Variants in USP44 observed in about 807,000 individuals in gnomAD.
USP44 encodes ubiquitin carboxyl-terminal hydrolase 44.
In USP44, 61 loss-of-function variants were observed where a neutral mutation model predicts 69.0. The ratio of observed to expected loss-of-function variants is 0.88; its 90% CI spans 0.72 to 1.09. The LOEUF (loss-of-function observed/expected upper bound fraction) is 1.09, where lower values mean the gene tolerates loss of function less well. Ranked by LOEUF, USP44 falls within the 50% of genes least tolerant of loss-of-function variation. USP44 has a pLI of 0.00. For missense variants in USP44, 753 were observed against 849.9 expected, an observed-to-expected ratio of 0.89 and a Z score of 1.42; for synonymous variants, 297 against 295.4, an observed-to-expected ratio of 1.01 and a Z score of -0.06.
chr12:95,550,010 C>T (rs368952096), intron 1 of USP44, among the ~76,000 whole-genome samples: 4 of 152,152 alleles, frequency 2.6e-5, no homozygotes, highest in African/African-American at 7.2e-5. Context: ...GAAACCCTGT[C>T]TCTACTAAAA....
Position 95,548,913 on chromosome 12 carries a change from C to T in USP44, c.-71+2359G>A, listed in dbSNP as rs1232957383. ...CCCTCCCACAGCCCCACCCCTGCGC[C>T]GGCTCTTCGCGGGCACCGAGAACCT... On this transcript the variant is annotated intron_variant, in intron 1 of 5. Transcript: ENST00000258499. The surrounding 1 kb of genome is among the most constrained non-coding windows in gnomAD (Gnocchi z 4.1). The T allele has an allele frequency of 1.3e-5, 2 of 152,088 alleles. No homozygotes were observed. The highest frequency in any genetic ancestry group is 2.9e-5 in the Non-Finnish European group (2 of 67,988). The allele number at this position is 152,088 out of a possible 1,614,324, so 9.4% of individuals were successfully genotyped here. A position where few individuals can be genotyped will look rare whatever the true frequency, so the allele number is the denominator to read the frequency against.
chr12:95,526,020 G>C (rs566829812), intron 3 of USP44, among the ~76,000 whole-genome samples: 1 of 152,160 alleles, frequency 6.6e-6, no homozygotes, highest in African/African-American at 2.4e-5. Context: ...CTAGCACATC[G>C]GTCCAAGGGT....
intron 3 of USP44, 37 bp downstream of exon 3, chr12:95,528,770 C>G (rs1232001522): frequency 6.3e-7 from 1 of 1,574,944 alleles, no homozygotes; most frequent in East Asian, 2.3e-5. Flanking sequence ...CTTTATCATT[C>G]CTAGGAAAGC....
At chr12:95,539,896 A>G (rs896805042) in intron 1 of USP44, among the ~76,000 whole-genome samples, 1 of 152,210 alleles carries the variant, frequency 6.6e-6, no homozygotes, top group Non-Finnish European at 1.5e-5. Flanking sequence ...CCAAAATCAA[A>G]TATCACAGGT....
At position 95,533,311 on chromosome 12, in the gene USP44, C is replaced by T. The variant is rs7305024; in HGVS notation, c.946G>A (p.Glu316Lys). Residue 316 changes from glutamate to lysine, a missense_variant, in exon 2 of 6, where the codon GAG becomes AAG. Glu to Lys is a moderately conservative substitution (Grantham distance 56). Transcript: ENST00000258499. ...GGATGCTTACAAGATCTTGTCTTCT[C>T]GCTAGCAGTCATAGCCAGCCATTGG... Reference protein sequence around the residue: ...LNQWLAMTASEKTRSCKHPPV... With the variant: ...LNQWLAMTASKKTRSCKHPPV... The T allele has an allele frequency of 2.3e-5, 37 of 1,613,844 alleles. No homozygotes were observed. The highest frequency in any genetic ancestry group is 8.9e-5 in the East Asian group (4 of 44,896).
At chr12:95,528,722 C>T in intron 3 of USP44, 85 bp downstream of exon 3, 1 of 1,394,696 alleles carries the variant, frequency 7.2e-7, no homozygotes, top group Non-Finnish European at 9.6e-7. Context: ...TTCATAACTG[C>T]TAAAGATTTC....
intron 1 of USP44, among the ~76,000 whole-genome samples, chr12:95,543,043 G>A (rs1263841536): frequency 1.3e-5 from 2 of 149,336 alleles, no homozygotes; most frequent in Admixed American, 6.7e-5. Context: ...AGCCTAGATC[G>A]CACCACTGCA....
chr12:95,518,465 T>C, intron 5 of USP44, 112 bp from the exon 6 acceptor site: 1 of 1,079,958 alleles, frequency 9.3e-7, no homozygotes, highest in South Asian at 1.6e-5. Context: ...AGCCAATTCA[T>C]TTTTCTTTAA....
chr12:95,517,802 T>A lies in USP44; in HGVS notation c.*352A>T, dbSNP rs1199133858. 7 of 177,148 alleles carry A rather than the reference T, an allele frequency of 4.0e-5. No individual in the cohort carries two copies. In the East Asian group the frequency reaches 1.1e-3, roughly 27 times the overall value. 11.0% of individuals were successfully genotyped at this position (177,148 alleles called of 1,614,324 possible). A position where few individuals can be genotyped will look rare whatever the true frequency, so the allele number is the denominator to read the frequency against. ...GTCTAATTTTCCATCTATTAAGAAT[T>A]TGTATAGAAAATACCTGAAAAAGAT... On this transcript the variant is annotated 3_prime_UTR_variant, in exon 6 of 6. Coordinates refer to ENST00000258499, the MANE Select transcript of USP44 (RefSeq NM_032147.5).
intron 1 of USP44, among the ~76,000 whole-genome samples, chr12:95,541,448 G>C (rs768856589): frequency 1.3e-5 from 2 of 151,962 alleles, no homozygotes; most frequent in Non-Finnish European, 2.9e-5. Context: ...GCACAGTTGC[G>C]TGTGCCTATA....
rs575405405 is a variant in USP44 at position 95,538,366 on chromosome 12, A to G, written c.-70-4040T>C. Among the ~76,000 whole-genome samples, 4 of 152,266 alleles carry G rather than the reference A, an allele frequency of 2.6e-5. 1 individual carries two copies. In the South Asian group the frequency reaches 8.3e-4, roughly 32 times the overall value. On this transcript the variant is annotated intron_variant, in intron 1 of 5. Coordinates refer to ENST00000258499, the MANE Select transcript of USP44 (RefSeq NM_032147.5). ...GTACATCTTAGCTGCCAATAGTAAT[A>G]AAATAATAATAAATTATTATTATAA...
intron 5 of USP44, among the ~76,000 whole-genome samples, chr12:95,520,634 G>A (rs1469445144): frequency 6.6e-6 from 1 of 152,166 alleles, no homozygotes; most frequent in Non-Finnish European, 1.5e-5. Context: ...AAATATCTAT[G>A]ATCCCCCAGT....
chr12:95,533,116 G>A lies in USP44; in HGVS notation c.1141C>T (p.Leu381Phe), dbSNP rs200225031. 4.3e-6 allele frequency: 7 copies of A among 1,614,208 alleles called. No individual in the cohort carries two copies. The Admixed American group carries it at 6.7e-5, about 15-fold the overall frequency. The change falls in exon 2 of 6, where the codon CTT becomes TTT. Residue 381 changes from leucine to phenylalanine, a missense_variant. Coordinates refer to ENST00000258499, the MANE Select transcript of USP44 (RefSeq NM_032147.5). The part of the protein sequence containing the change: ...PKEPTSQYIS[L>F]CHELHTLFQV... ...AACAAAGTATGCAATTCATGACAAA[G>A]AGAAATGTACTGTGAAGTTGGCTCC...
At chr12:95,521,792 G>A (rs301005) in intron 4 of USP44, among the ~76,000 whole-genome samples, 13,383 of 152,084 alleles carry the variant, frequency 0.088, 724 homozygotes, top group Non-Finnish European at 0.12. Flanking sequence ...CAGCCCCACC[G>A]AAGGGTTTTT....
chr12:95,537,103 A>G (rs1474858106), intron 1 of USP44, among the ~76,000 whole-genome samples: 1 of 152,184 alleles, frequency 6.6e-6, no homozygotes, highest in Non-Finnish European at 1.5e-5. Flanking sequence ...CAGTCCAGAA[A>G]TTATAAGGAA....
At chr12:95,518,697 T>C (rs1227078713) in intron 5 of USP44, among the ~76,000 whole-genome samples, 1 of 152,154 alleles carries the variant, frequency 6.6e-6, no homozygotes, top group East Asian at 1.9e-4. Context: ...CCTAGCACTT[T>C]GGAAGGCCGA....
chr12:95,545,562 G>A (rs144213998), intron 1 of USP44, among the ~76,000 whole-genome samples: 7 of 152,298 alleles, frequency 4.6e-5, no homozygotes, highest in Admixed American at 1.3e-4. Flanking sequence ...ATAGTTTGCA[G>A]TAATTAGGGT....
Position 95,528,845 on chromosome 12 carries a change from G to T in USP44, c.1586C>A (p.Ala529Asp), listed in dbSNP as rs2140265454. ...EMLAKFTETE[A>D]LEGKIYVCDQ... is the part of the protein sequence containing the mutation. ...ACATACGTAGATTTTTCCTTCTAAA[G>T]CTTCAGTTTCTGTAAATTTGGCCAA... Residue 529 changes from alanine to aspartate, a missense_variant, in exon 3 of 6, where the codon GCT becomes GAT. Ala to Asp is a moderately radical substitution (Grantham distance 126). Coordinates refer to ENST00000258499, the MANE Select transcript of USP44 (RefSeq NM_032147.5). 1 of 1,613,942 alleles carries T rather than the reference G, an allele frequency of 6.2e-7. No homozygotes were observed. Among genetic ancestry groups the T allele is most frequent in the Middle Eastern group, 1.7e-4 (1 of 6,040 alleles).
chr12:95,521,283 G>T, intron 4 of USP44, 81 bp from the exon 5 acceptor site: 1 of 1,257,868 alleles, frequency 7.9e-7, no homozygotes, highest in South Asian at 1.2e-5. Flanking sequence ...TGTAACAGAT[G>T]ACCCCAGGCA....
Sources: gnomAD v4.1 joint callset for allele counts (sites outside exome capture counted in the v4.1 genomes callset) on GRCh38, gnomAD v4.1.1 for gene constraint, Gnocchi (gnomAD v3.1) non-coding constraint, MANE v1.5 for transcripts, NCBI Gene and HGNC (gene_info 2026-07-23, HGNC 2026-07-21) for gene names.